TG: variants seen among roughly 807,000 people sequenced by gnomAD.
The protein encoded by TG is thyroglobulin.
TG carries 270 observed loss-of-function variants against 324.7 expected under a neutral mutation model. That is an observed-to-expected ratio of 0.83 (90% CI 0.75 to 0.92). The LOEUF (loss-of-function observed/expected upper bound fraction) is 0.92. Among genes scored for constraint, TG ranks in the 40% least tolerant of loss-of-function variants. The probability of loss-of-function intolerance (pLI) is 0.00; values close to 1 mark genes in which losing one functional copy is unlikely to be tolerated. For missense variants in TG, 3,591 were observed against 3,456.4 expected, an observed-to-expected ratio of 1.04 and a Z score of -0.98; for synonymous variants, 1,401 against 1,327.0, an observed-to-expected ratio of 1.06 and a Z score of -1.21.
chr8:133,039,926 G>A, intron 41 of TG: 1 of 1,517,116 alleles, frequency 6.6e-7, no homozygotes, highest in Non-Finnish European at 8.9e-7. Flanking sequence ...ACCGTTTTGT[G>A]CTCACATGTT....
chr8:132,897,022 T>A (rs1817221174), intron 11 of TG, among the ~76,000 whole-genome samples: 1 of 152,188 alleles, frequency 6.6e-6, no homozygotes, highest in Non-Finnish European at 1.5e-5. Flanking sequence ...TCTGGCTTCA[T>A]GGAGCTGCTG....
intron 10 of TG, among the ~76,000 whole-genome samples, chr8:132,889,702 C>G (rs745412406): frequency 3.3e-5 from 5 of 152,166 alleles, no homozygotes; most frequent in Non-Finnish European, 5.9e-5. Flanking sequence ...TTTAAATTAT[C>G]TAAGACTAAA....
At chr8:133,119,943 G>A (rs551721510) in intron 45 of TG, among the ~76,000 whole-genome samples, 32 of 152,366 alleles carry the variant, frequency 2.1e-4, no homozygotes, top group Admixed American at 9.1e-4. Context: ...ATTCTGGGAA[G>A]GAGGCATTGA....
At chr8:132,978,231 A>G (rs919931887) in intron 34 of TG, among the ~76,000 whole-genome samples, 2 of 152,210 alleles carry the variant, frequency 1.3e-5, no homozygotes, top group Non-Finnish European at 2.9e-5. Flanking sequence ...AGAGAAAGAG[A>G]GAGGGAACAA....
intron 45 of TG, among the ~76,000 whole-genome samples, chr8:133,131,094 C>G (rs1050547293): frequency 1.3e-5 from 2 of 152,204 alleles, no homozygotes; most frequent in South Asian, 2.1e-4. Context: ...GGGCAAAGCC[C>G]GATTTTTTAC....
chr8:132,945,455 C>T lies in TG; in HGVS notation c.5234-3321C>T, dbSNP rs541584773. On this transcript the variant is annotated intron_variant, in intron 26 of 47. Coordinates refer to ENST00000220616, the MANE Select transcript of TG (RefSeq NM_003235.5). ...ATGGGAGAGGGAGATTTAGGAAGGC[C>T]GTGGGTCCATGTGGGGTATACTAAG... is the stretch of plus-strand genomic sequence containing the variant. Among the ~76,000 whole-genome samples the T allele has an allele frequency of 5.3e-5, 8 of 152,102 alleles. No homozygotes were observed. In the South Asian group the frequency reaches 1.5e-3, roughly 28 times the overall value.
intron 41 of TG, among the ~76,000 whole-genome samples, chr8:133,052,296 G>C (rs749472606): frequency 6.6e-6 from 1 of 152,204 alleles, no homozygotes; most frequent in Non-Finnish European, 1.5e-5. Context: ...AAGTAATCAC[G>C]GTGGAACAGT....
At position 133,029,825 on chromosome 8, in the gene TG, C is replaced by G; in HGVS notation, c.7041C>G (p.Ser2347=). The stretch of plus-strand genomic sequence containing the variant: ...AGGCTTTCCTCTTTTCTGAAGGGTC[C>G]GGAGAGGTGAGTGGCAACTGGGGGC... ...VGVFGFLSSG[S]GEVSGNWGLL... Residue 2347 remains serine (S), a synonymous_variant, in exon 41 of 48, where the codon TCC becomes TCG. Transcript: ENST00000220616. 1 of 1,614,058 alleles carries G rather than the reference C, an allele frequency of 6.2e-7. No homozygotes were observed. Among genetic ancestry groups the G allele is most frequent in the Non-Finnish European group, 8.5e-7 (1 of 1,179,924 alleles).
At chr8:133,022,613 C>T (rs1835664274) in intron 40 of TG, among the ~76,000 whole-genome samples, 1 of 152,138 alleles carries the variant, frequency 6.6e-6, no homozygotes, top group African/African-American at 2.4e-5. Flanking sequence ...AGATTCTCAC[C>T]TCCTTTTAAT....
intron 31 of TG, 146 bp downstream of exon 31, chr8:132,968,116 A>G: frequency 2.0e-6 from 2 of 988,736 alleles, no homozygotes; most frequent in Middle Eastern, 3.1e-4. Flanking sequence ...CATGGATCCA[A>G]ACTTTCACGG....
intron 43 of TG, chr8:133,106,498 C>T: frequency 1.0e-6 from 1 of 981,268 alleles, no homozygotes; most frequent in Non-Finnish European, 1.2e-6. Context: ...CTCTCCCAGC[C>T]ACCCAGCCCT....
rs1353960514 is a variant in TG at position 133,018,083 on chromosome 8, GC to G, written c.6782+87del. On this transcript the variant is annotated intron_variant, in intron 38 of 47. Transcript: ENST00000220616. ...TATCCAAATGGGACTCAGTAGCAGA[GC>G]AGTGCATTTTGGATAAAGCAATGTA... The G allele has an allele frequency of 5.2e-6, 7 of 1,341,386 alleles. No homozygotes were observed. In the East Asian group the frequency reaches 7.3e-5, roughly 14 times the overall value. 83.1% of individuals were successfully genotyped at this position (1,341,386 alleles called of 1,614,324 possible).
intron 27 of TG, among the ~76,000 whole-genome samples, chr8:132,956,721 G>T (rs1826931718): frequency 6.6e-6 from 1 of 152,178 alleles, no homozygotes; most frequent in South Asian, 2.1e-4. Flanking sequence ...TGTAGCTCCT[G>T]CAGGACCAAA....
chr8:132,963,487 A>G (rs916109408), intron 29 of TG, among the ~76,000 whole-genome samples: 5 of 152,228 alleles, frequency 3.3e-5, no homozygotes, highest in Non-Finnish European at 7.3e-5. Flanking sequence ...CATGGCATAC[A>G]GTGAAAGCTG....
chr8:132,938,084 A>G (rs2129817540), intron 25 of TG, among the ~76,000 whole-genome samples: 1 of 152,172 alleles, frequency 6.6e-6, no homozygotes, highest in East Asian at 1.9e-4. Context: ...CAACTTCTTT[A>G]TTTCACTTGA....
chr8:133,052,198 A>G (rs1840535129), intron 41 of TG, among the ~76,000 whole-genome samples: 1 of 152,242 alleles, frequency 6.6e-6, no homozygotes. Context: ...CTAAGTCTAA[A>G]GAGAGATTAA....
chr8:132,929,418 G>T (rs576438519), intron 23 of TG, among the ~76,000 whole-genome samples: 2 of 152,262 alleles, frequency 1.3e-5, no homozygotes, highest in Non-Finnish European at 2.9e-5. Flanking sequence ...ACATGTTAAG[G>T]AGTAGAAATG....
At chr8:133,016,059 G>A (rs146352075) in intron 37 of TG, among the ~76,000 whole-genome samples, 2 of 152,020 alleles carry the variant, frequency 1.3e-5, no homozygotes, top group African/African-American at 4.8e-5. Context: ...GAACATTACA[G>A]GTGTTATTAT....
At chr8:132,979,878 G>T (rs984166789) in intron 34 of TG, among the ~76,000 whole-genome samples, 2 of 152,058 alleles carry the variant, frequency 1.3e-5, no homozygotes, top group Non-Finnish European at 2.9e-5. Flanking sequence ...CCAGAAGACT[G>T]CCCCCACTTC....
Sources: gnomAD v4.1 joint callset for allele counts (sites outside exome capture counted in the v4.1 genomes callset) on GRCh38, gnomAD v4.1.1 for gene constraint, MANE v1.5 for transcripts, NCBI Gene and HGNC (gene_info 2026-07-23, HGNC 2026-07-21) for gene names.